The following CSMD1 variants were observed in gnomAD, a reference collection of about 807,000 sequenced individuals.
The protein encoded by CSMD1 is CUB and Sushi multiple domains 1, also known as CUB and sushi domain-containing protein 1.
Under a neutral mutation model 417.5 loss-of-function variants are expected in CSMD1, and 213 were observed. The ratio of observed to expected loss-of-function variants is 0.51; its 90% CI spans 0.46 to 0.57. The LOEUF is 0.57. CSMD1 is among the 20% of genes least tolerant of loss of function. CSMD1 has a pLI of 0.00. For synonymous variants in CSMD1, 2,862 were observed against 1,736.8 expected (o/e 1.65, Z -16.11); for missense variants, 6,923 against 4,529.7 (o/e 1.53, Z -15.17).
At position 4,029,937 on chromosome 8, in the gene CSMD1, C is replaced by A. The variant is rs541056600; in HGVS notation, c.610+1968G>T. The stretch of plus-strand genomic sequence containing the variant: ...TACTGGCCCTATGTAAGTATAGAAT[C>A]CAGTGGGGCAGTCAAATCTTAAAGC... On this transcript the variant is annotated intron_variant, in intron 4 of 69. Transcript: ENST00000635120. 3.3e-5 allele frequency among the ~76,000 whole-genome samples: 5 copies of A among 152,268 alleles called. No individual in the cohort carries two copies. In the South Asian group the frequency reaches 1.0e-3, roughly 32 times the overall value.
intron 10 of CSMD1, among the ~76,000 whole-genome samples, chr8:3,511,284 A>G (rs1381909901): frequency 6.6e-6 from 1 of 151,750 alleles, no homozygotes; most frequent in Non-Finnish European, 1.5e-5. Flanking sequence ...AATGTAGATG[A>G]CAGGTTGATG....
At chr8:4,970,655 C>A (rs1484540977) in intron 1 of CSMD1, among the ~76,000 whole-genome samples, 1 of 151,980 alleles carries the variant, frequency 6.6e-6, no homozygotes, top group East Asian at 1.9e-4. Flanking sequence ...ATCATAAAAA[C>A]ACTTAAATAA....
At chr8:4,861,521 G>A (rs185496609) in intron 1 of CSMD1, among the ~76,000 whole-genome samples, 1 of 152,178 alleles carries the variant, frequency 6.6e-6, no homozygotes, top group African/African-American at 2.4e-5. Flanking sequence ...CAAGTGAGGG[G>A]TATGGAGAAA....
intron 5 of CSMD1, among the ~76,000 whole-genome samples, chr8:3,957,610 G>A (rs1181588035): frequency 1.3e-5 from 2 of 152,150 alleles, no homozygotes; most frequent in African/African-American, 2.4e-5. Context: ...CTTGATCTCA[G>A]GAGTTCGGGG....
At chr8:3,098,956 C>A (rs12544685) in intron 46 of CSMD1, among the ~76,000 whole-genome samples, 112,027 of 151,312 alleles carry the variant, frequency 0.74, 42,310 homozygotes, top group East Asian at 0.96. Context: ...GATGATTACA[C>A]CACATGCCTA....
At chr8:3,539,423 G>C (rs936862233) in intron 10 of CSMD1, among the ~76,000 whole-genome samples, 1 of 152,122 alleles carries the variant, frequency 6.6e-6, no homozygotes, top group African/African-American at 2.4e-5. Context: ...TCACCCATTA[G>C]ATTATACATC....
rs540806616 is a variant in CSMD1, at chr8:3,559,735, T to C, written c.1344+15210A>G. Among the ~76,000 whole-genome samples the C allele has an allele frequency of 3.7e-4, 57 of 152,316 alleles. 2 individuals carry two copies. The highest frequency in any genetic ancestry group is 3.7e-3 in the South Asian group (18 of 4,828). On this transcript the variant is annotated intron_variant, in intron 10 of 69. Transcript: ENST00000635120. ...ATTGATTGTATTTTATACATATATC[T>C]ACATTTTTGAAAAGTACATTTCAAA...
chr8:3,693,497 G>C (rs1443735334), intron 7 of CSMD1, among the ~76,000 whole-genome samples: 3 of 152,072 alleles, frequency 2.0e-5, no homozygotes, highest in Non-Finnish European at 4.4e-5. Context: ...ATGGCAGCAG[G>C]CAGCCGCCTG....
chr8:4,145,298 G>T (rs1482215223), intron 3 of CSMD1, among the ~76,000 whole-genome samples: 1 of 150,896 alleles, frequency 6.6e-6, no homozygotes, highest in East Asian at 1.9e-4. Context: ...TTCTTGTTGA[G>T]AACTTTATGG....
chr8:4,789,118 G>A (rs1262508739), intron 1 of CSMD1, among the ~76,000 whole-genome samples: 1 of 152,076 alleles, frequency 6.6e-6, no homozygotes, highest in Non-Finnish European at 1.5e-5. Flanking sequence ...CTACCTCTTG[G>A]GATTCTTGTA....
intron 18 of CSMD1, among the ~76,000 whole-genome samples, chr8:3,387,201 C>A (rs1194040208): frequency 6.6e-6 from 1 of 152,256 alleles, no homozygotes; most frequent in East Asian, 1.9e-4. Context: ...TACCGCCCCA[C>A]GTGCCAGTTT....
At chr8:3,955,888 C>G (rs1447414196) in intron 5 of CSMD1, among the ~76,000 whole-genome samples, 1 of 152,204 alleles carries the variant, frequency 6.6e-6, no homozygotes. Flanking sequence ...GGCACGATCT[C>G]GGCTCACTTC....
intron 3 of CSMD1, among the ~76,000 whole-genome samples, chr8:4,114,251 G>C (rs536456038): frequency 3.9e-5 from 6 of 152,252 alleles, no homozygotes; most frequent in African/African-American, 1.2e-4. Flanking sequence ...GAAAATCCTA[G>C]GGCTCTTAAG....
intron 1 of CSMD1, among the ~76,000 whole-genome samples, chr8:4,769,284 C>T (rs1245157224): frequency 6.6e-6 from 1 of 152,154 alleles, no homozygotes. Context: ...CCTGAAAGTA[C>T]ACCTGAAGGA....
intron 3 of CSMD1, among the ~76,000 whole-genome samples, chr8:4,259,139 T>C (rs891737392): frequency 1.3e-5 from 2 of 152,150 alleles, no homozygotes; most frequent in African/African-American, 4.8e-5. Context: ...TAATTAGGCC[T>C]ACCTCCAAAC....
intron 3 of CSMD1, among the ~76,000 whole-genome samples, chr8:4,238,285 G>C (rs1284337196): frequency 6.6e-6 from 1 of 152,184 alleles, no homozygotes; most frequent in East Asian, 1.9e-4. Context: ...AGACATGAAT[G>C]AATGTGCTTC....
intron 41 of CSMD1, among the ~76,000 whole-genome samples, chr8:3,133,896 C>G (rs1053648223): frequency 2.8e-4 from 42 of 152,208 alleles, no homozygotes; most frequent in African/African-American, 1.0e-3. Context: ...TCTGTCAGGC[C>G]GGGCGCGGTG....
chr8:4,396,720 C>T (rs115683785), intron 3 of CSMD1, among the ~76,000 whole-genome samples: 312 of 152,166 alleles, frequency 2.1e-3, no homozygotes, highest in African/African-American at 7.3e-3. Flanking sequence ...GAAATCATGG[C>T]ATTTGCAGCA....
At chr8:3,474,429 G>C (rs1442382227) in intron 11 of CSMD1, among the ~76,000 whole-genome samples, 3 of 151,898 alleles carry the variant, frequency 2.0e-5, no homozygotes, top group Non-Finnish European at 4.4e-5. Flanking sequence ...TTTATCCCTT[G>C]ATGTAACCAA....
Sources: gnomAD v4.1 joint callset for allele counts (sites outside exome capture counted in the v4.1 genomes callset) on GRCh38, gnomAD v4.1.1 for gene constraint, MANE v1.5 for transcripts, NCBI Gene and HGNC (gene_info 2026-07-23, HGNC 2026-07-21) for gene names.